Variants in GDPD1 observed in about 807,000 individuals in gnomAD.
GDPD1 encodes the protein glycerophosphodiester phosphodiesterase domain containing 1.
In GDPD1, 28 loss-of-function variants were observed where a neutral mutation model predicts 45.1. That is an observed-to-expected ratio of 0.62 (90% CI 0.46 to 0.85). GDPD1 has a LOEUF of 0.85. Ranked by LOEUF, GDPD1 falls within the 40% of genes least tolerant of loss-of-function variation. The pLI, the probability that GDPD1 is intolerant of heterozygous loss-of-function variation, is 0.00. For missense variants in GDPD1, 256 were observed against 364.8 expected (o/e 0.70, Z 2.43); for synonymous variants, 139 against 131.4 (o/e 1.06, Z -0.40).
At position 59,272,772 on chromosome 17, in the gene GDPD1, T is replaced by G. The variant is rs1331783060; in HGVS notation, c.771-13T>G. The G allele has an allele frequency of 6.4e-7, 1 of 1,563,446 alleles. No individual in the cohort carries two copies. The highest frequency in any genetic ancestry group is 8.8e-7 in the Non-Finnish European group (1 of 1,133,932). On this transcript the variant is annotated splice_polypyrimidine_tract_variant and intron_variant, in intron 8 of 9. Coordinates refer to ENST00000284116, the MANE Select transcript of GDPD1 (RefSeq NM_182569.4). ...ACTAAATTCCTAAATCAGTTTTGCT[T>G]TTTCTTTTCTAGCTTACTAATGAGG...
intron 2 of GDPD1, among the ~76,000 whole-genome samples, chr17:59,234,924 GA>G (rs1404599960): frequency 1.3e-5 from 2 of 151,170 alleles, no homozygotes; most frequent in Non-Finnish European, 2.9e-5. Flanking sequence ...TTTTTGTACA[GA>G]ACTGAACCTG....
In GDPD1 at chr17:59,273,808, TGAA is replaced by T; in HGVS notation, c.*38_*40del. On this transcript the variant is annotated 3_prime_UTR_variant, in exon 10 of 10. Coordinates refer to ENST00000284116, the MANE Select transcript of GDPD1 (RefSeq NM_182569.4). ...TACTTAGAAGTATTGAAGGAAAAAATGAAGACCTAAGAAAAAAATATTTCATGA... is the reference window on the plus strand; with the variant it reads ...TACTTAGAAGTATTGAAGGAAAAAATGACCTAAGAAAAAAATATTTCATGA... 6.6e-7 allele frequency: 1 copy of T among 1,517,424 alleles called. No homozygotes were observed. The highest frequency in any genetic ancestry group is 8.8e-7 in the Non-Finnish European group (1 of 1,135,602). 94.0% of individuals were successfully genotyped at this position (1,517,424 alleles called of 1,614,324 possible).
At position 59,257,195 on chromosome 17, in the gene GDPD1, C is replaced by T; in HGVS notation, c.441C>T (p.Pro147=). 2 of 1,603,352 alleles carry T rather than the reference C, an allele frequency of 1.2e-6. No individual in the cohort carries two copies. Among genetic ancestry groups the T allele is most frequent in the Non-Finnish European group, 1.7e-6 (2 of 1,174,742 alleles). ...KEVFEAFPNT[P]INIDIKVNNN... ...TTTTTGAGGCCTTTCCTAACACTCC[C>T]ATTAACATCGATATCAAAGTCAACA... The change falls in exon 5 of 10, where the codon CCC becomes CCT. Residue 147 remains proline, a synonymous_variant. Coordinates refer to ENST00000284116, the MANE Select transcript of GDPD1 (RefSeq NM_182569.4).
At chr17:59,223,906 G>T (rs1025718914) in intron 1 of GDPD1, among the ~76,000 whole-genome samples, 3 of 151,892 alleles carry the variant, frequency 2.0e-5, no homozygotes, top group African/African-American at 7.3e-5. Context: ...GCGAGACTCC[G>T]TCAGGGCACT....
intron 2 of GDPD1, among the ~76,000 whole-genome samples, chr17:59,235,598 C>A (rs1709980082): frequency 6.6e-6 from 1 of 152,072 alleles, no homozygotes; most frequent in African/African-American, 2.4e-5. Flanking sequence ...AGGTTAATCA[C>A]CTGAGGTCCG....
intron 2 of GDPD1, among the ~76,000 whole-genome samples, chr17:59,241,120 G>C (rs8079765): frequency 0.42 from 63,506 of 152,074 alleles, 14,248 homozygotes; most frequent in African/African-American, 0.59. Flanking sequence ...ATACCATCTA[G>C]ATTTGTGTAA....
At chr17:59,242,306 G>A (rs1204365359) in intron 2 of GDPD1, among the ~76,000 whole-genome samples, 4 of 152,058 alleles carry the variant, frequency 2.6e-5, no homozygotes, top group South Asian at 2.1e-4. Context: ...CAGTTGATTC[G>A]CCTGCCTTGG....
intron 2 of GDPD1, among the ~76,000 whole-genome samples, chr17:59,242,666 C>A (rs1377363052): frequency 1.3e-5 from 2 of 152,150 alleles, no homozygotes; most frequent in Non-Finnish European, 2.9e-5. Context: ...AGGTTCTTGT[C>A]ACATGACCAG....
intron 9 of GDPD1, 120 bp downstream of exon 9, chr17:59,272,956 C>T: frequency 6.3e-7 from 1 of 1,587,136 alleles, no homozygotes; most frequent in Admixed American, 1.8e-5. Context: ...TGCTGCTTTA[C>T]TGATCCACAA....
At chr17:59,220,888 G>A (rs2046998835) in intron 1 of GDPD1, 137 bp downstream of exon 1, 5 of 992,298 alleles carry the variant, frequency 5.0e-6, no homozygotes, top group Admixed American at 2.4e-5. Flanking sequence ...GGCTCTTCCG[G>A]AGGTGAAGGC....
chr17:59,267,263 G>A, intron 7 of GDPD1, 89 bp downstream of exon 7: 1 of 1,201,894 alleles, frequency 8.3e-7, no homozygotes, highest in Non-Finnish European at 1.2e-6. Flanking sequence ...CAATGATGAA[G>A]AAGAGATTTC....
chr17:59,263,483 C>CTTTT (rs537639356), intron 6 of GDPD1, among the ~76,000 whole-genome samples: 1 of 120,320 alleles, frequency 8.3e-6, no homozygotes, highest in Non-Finnish European at 1.6e-5. Flanking sequence ...TTTTCCTTTC[C>CTTTT]TTTTTTTTTT....
chr17:59,258,970 T>A (rs1283986659), intron 6 of GDPD1, among the ~76,000 whole-genome samples: 1 of 151,066 alleles, frequency 6.6e-6, no homozygotes, highest in South Asian at 2.1e-4. Context: ...ATTATTATTA[T>A]TAATTATTTT....
chr17:59,267,280 G>A, intron 7 of GDPD1, 106 bp downstream of exon 7: 1 of 1,024,692 alleles, frequency 9.8e-7, no homozygotes, highest in Non-Finnish European at 1.4e-6. Flanking sequence ...TTTCTGTAGT[G>A]ATTTCCATGT....
chr17:59,263,928 A>G lies in GDPD1; in HGVS notation c.577-3113A>G, dbSNP rs564221144. Among the ~76,000 whole-genome samples, 23 of 152,266 alleles carry G rather than the reference A, an allele frequency of 1.5e-4. No individual in the cohort carries two copies. In the South Asian group the frequency reaches 4.8e-3, roughly 32 times the overall value. ...GCGCTTAATGACTTTTCATTCATTC[A>G]CACTTAACGCAGTGGTTCTTTCTTT... On this transcript the variant is annotated intron_variant, in intron 6 of 9. Coordinates refer to ENST00000284116, the MANE Select transcript of GDPD1 (RefSeq NM_182569.4).
At chr17:59,268,821 A>C (rs2047421616) in intron 7 of GDPD1, among the ~76,000 whole-genome samples, 1 of 152,098 alleles carries the variant, frequency 6.6e-6, no homozygotes, top group Non-Finnish European at 1.5e-5. Flanking sequence ...AGGCAGGAGG[A>C]TCACGAGGTC....
intron 3 of GDPD1, among the ~76,000 whole-genome samples, chr17:59,246,892 T>C (rs534994799): frequency 6.6e-6 from 1 of 151,270 alleles, no homozygotes; most frequent in Non-Finnish European, 1.5e-5. Context: ...TTCAGCCTCC[T>C]GAGTAGCTGG....
At position 59,234,520 on chromosome 17, in the gene GDPD1, G is replaced by A. The variant is rs563100888; in HGVS notation, c.171G>A (p.Met57Ile). The change falls in exon 2 of 10, where the codon ATG becomes ATA. Residue 57 changes from methionine to isoleucine, a missense_variant. Met to Ile is a conservative substitution (Grantham distance 10, BLOSUM62 1). Coordinates refer to ENST00000284116, the MANE Select transcript of GDPD1 (RefSeq NM_182569.4). ...CTGGAGAAAATTTGGAGAATACAAT[G>A]GCAGCCTTTCAGCAGTAAGTATGTA... ...GGAGENLENT[M>I]AAFQHAVKIG... The A allele has an allele frequency of 3.1e-6, 5 of 1,603,078 alleles. No homozygotes were observed. Among genetic ancestry groups the A allele is most frequent in the Non-Finnish European group, 4.3e-6 (5 of 1,171,024 alleles).
intron 2 of GDPD1, among the ~76,000 whole-genome samples, chr17:59,238,136 C>T (rs1298040870): frequency 6.6e-6 from 1 of 151,142 alleles, no homozygotes; most frequent in African/African-American, 2.4e-5. Flanking sequence ...GGCATGGTAG[C>T]GCATGCCTGT....
Sources: allele counts gnomAD v4.1 joint callset (sites outside exome capture counted in the v4.1 genomes callset), GRCh38; gene constraint gnomAD v4.1.1; transcripts MANE v1.5; gene names NCBI Gene and HGNC (gene_info 2026-07-23, HGNC 2026-07-21).